The following MECOM variants were observed in gnomAD, a reference collection of about 807,000 sequenced individuals.
The protein encoded by MECOM is MDS1 and EVI1 complex locus.
MECOM carries 13 observed loss-of-function variants against 116.3 expected under a neutral mutation model. The observed-to-expected ratio is 0.11, with a 90% CI of 0.07 to 0.18. The LOEUF (loss-of-function observed/expected upper bound fraction) is 0.18, where lower values mean the gene tolerates loss of function less well. MECOM is among the 10% of genes least tolerant of loss of function. The probability of loss-of-function intolerance (pLI) is 1.00; values close to 1 mark genes in which losing one functional copy is unlikely to be tolerated. For synonymous variants in MECOM, 528 were observed against 535.2 expected (o/e 0.99, Z 0.19); for missense variants, 1,299 against 1,509.0 (o/e 0.86, Z 2.31).
intron 12 of MECOM, among the ~76,000 whole-genome samples, chr3:169,099,618 T>C (rs2148934004): frequency 6.6e-6 from 1 of 151,272 alleles, no homozygotes; most frequent in South Asian, 2.1e-4. Context: ...ATTAAAAAAA[T>C]ATTTGAAATC....
At chr3:169,560,752 T>A (rs1274194084) in intron 1 of MECOM, among the ~76,000 whole-genome samples, 3 of 152,194 alleles carry the variant, frequency 2.0e-5, no homozygotes, top group Non-Finnish European at 4.4e-5. Flanking sequence ...ATATAGACCA[T>A]GTGTGCATTA....
At chr3:169,219,878 C>T (rs954475291) in intron 2 of MECOM, among the ~76,000 whole-genome samples, 4 of 148,706 alleles carry the variant, frequency 2.7e-5, no homozygotes, top group Admixed American at 6.7e-5. Context: ...ATAAGTTTAC[C>T]TCCTAACCTA....
chr3:169,265,891 C>T (rs1249342210), intron 2 of MECOM, among the ~76,000 whole-genome samples: 1 of 151,702 alleles, frequency 6.6e-6, no homozygotes, highest in East Asian at 1.9e-4. Context: ...CAGTACTGTG[C>T]TATTAAGCCA....
At chr3:169,506,410 G>A (rs57079578) in intron 1 of MECOM, among the ~76,000 whole-genome samples, 1 of 151,976 alleles carries the variant, frequency 6.6e-6, no homozygotes, top group African/African-American at 2.4e-5. Flanking sequence ...GAAATTTAGC[G>A]ACTTTCCTCT....
intron 2 of MECOM, among the ~76,000 whole-genome samples, chr3:169,217,179 A>G (rs1421932678): frequency 6.6e-6 from 1 of 152,140 alleles, no homozygotes; most frequent in Non-Finnish European, 1.5e-5. Context: ...ACATGACTAC[A>G]TGGGTTTGTA....
At chr3:169,585,519 G>A (rs1485772313) in intron 1 of MECOM, among the ~76,000 whole-genome samples, 3 of 151,926 alleles carry the variant, frequency 2.0e-5, no homozygotes, top group Middle Eastern at 3.4e-3. Flanking sequence ...TCCTCATTTC[G>A]CCTCTACCTC....
intron 2 of MECOM, among the ~76,000 whole-genome samples, chr3:169,192,558 T>C: frequency 6.6e-6 from 1 of 152,044 alleles, no homozygotes; most frequent in East Asian, 1.9e-4. Flanking sequence ...GCATGGACAC[T>C]TCTTTTTGTT....
chr3:169,643,545 T>C (rs1773767756), intron 1 of MECOM, among the ~76,000 whole-genome samples: 2 of 152,178 alleles, frequency 1.3e-5, no homozygotes, highest in Non-Finnish European at 2.9e-5. Context: ...AAACCAATCT[T>C]GTTATTACTA....
intron 3 of MECOM, among the ~76,000 whole-genome samples, chr3:169,136,149 T>C (rs957443019): frequency 4.0e-5 from 6 of 151,750 alleles, no homozygotes; most frequent in East Asian, 3.8e-4. Context: ...CTAAGTTAAG[T>C]ATAAAAGACA....
intron 1 of MECOM, among the ~76,000 whole-genome samples, chr3:169,419,832 T>G (rs1160564231): frequency 1.3e-5 from 2 of 152,084 alleles, no homozygotes; most frequent in African/African-American, 4.8e-5. Flanking sequence ...ACCTACAGAA[T>G]GGGAGAAAAT....
chr3:169,633,117 A>AT lies in MECOM; in HGVS notation c.37+30218dup, dbSNP rs376011295. 2.4e-3 allele frequency among the ~76,000 whole-genome samples: 353 copies of AT among 147,698 alleles called. 3 individuals carry two copies. Among genetic ancestry groups the AT allele is most frequent in the East Asian group, 0.011 (54 of 5,070 alleles). ...TGAACATTGCCCTTTCTCCAAAGGC[A>AT]TTTTTTTTTTTAATCACAAAACAGG... is the stretch of plus-strand genomic sequence containing the variant. On this transcript the variant is annotated intron_variant, in intron 1 of 16. Transcript: ENST00000651503.
chr3:169,347,807 T>C, intron 2 of MECOM, among the ~76,000 whole-genome samples: 1 of 152,020 alleles, frequency 6.6e-6, no homozygotes, highest in East Asian at 1.9e-4. Context: ...GGGAATGGAT[T>C]TGTCTGGTTC....
intron 5 of MECOM, among the ~76,000 whole-genome samples, chr3:169,124,034 G>A (rs569209310): frequency 1.8e-4 from 28 of 152,168 alleles, no homozygotes; most frequent in Non-Finnish European, 3.4e-4. Context: ...TTCTCTACGC[G>A]AAATTAATCC....
intron 9 of MECOM, among the ~76,000 whole-genome samples, chr3:169,111,395 T>C (rs2149036779): frequency 6.6e-6 from 1 of 152,296 alleles, no homozygotes; most frequent in South Asian, 2.1e-4. Context: ...TAAGTATTTA[T>C]TTATAATTAT....
intron 10 of MECOM, among the ~76,000 whole-genome samples, chr3:169,103,768 T>TA (rs1560150846): frequency 1.3e-5 from 2 of 152,174 alleles, no homozygotes; most frequent in African/African-American, 4.8e-5. Flanking sequence ...ATCAGCTTCT[T>TA]AAAGTAGAGC....
intron 1 of MECOM, among the ~76,000 whole-genome samples, chr3:169,492,411 C>T (rs562999244): frequency 1.8e-4 from 28 of 152,222 alleles, no homozygotes; most frequent in African/African-American, 5.8e-4. Context: ...AACCTCAGGA[C>T]TTGTCATCCA....
At position 169,165,162 on chromosome 3, in the gene MECOM, A is replaced by G. The variant is rs954342371; in HGVS notation, c.376-21330T>C. ...CATATAGATACATGTCATCGGAAAG[A>G]TCTAAGATTTCACCTCTTAAAACTA... On this transcript the variant is annotated intron_variant, in intron 2 of 16. Transcript: ENST00000651503. Among the ~76,000 whole-genome samples, 4 of 152,200 alleles carry G rather than the reference A, an allele frequency of 2.6e-5. No individual in the cohort carries two copies. In the South Asian group the frequency reaches 6.2e-4, roughly 24 times the overall value.
At chr3:169,618,924 T>G (rs1007496529) in intron 1 of MECOM, among the ~76,000 whole-genome samples, 1 of 151,892 alleles carries the variant, frequency 6.6e-6, no homozygotes, top group African/African-American at 2.4e-5. Flanking sequence ...GCATTATACC[T>G]AAAAGCCACC....
At chr3:169,396,341 A>G (rs1735021694) in intron 1 of MECOM, among the ~76,000 whole-genome samples, 1 of 152,180 alleles carries the variant, frequency 6.6e-6, no homozygotes, top group Non-Finnish European at 1.5e-5. Flanking sequence ...GCTGTCATAT[A>G]TGGTACCCAG....
Sources: allele counts gnomAD v4.1 joint callset (sites outside exome capture counted in the v4.1 genomes callset), GRCh38; gene constraint gnomAD v4.1.1; transcripts MANE v1.5; gene names NCBI Gene and HGNC (gene_info 2026-07-23, HGNC 2026-07-21).